Variants in FMN2 observed in about 807,000 individuals in gnomAD.
The protein encoded by FMN2 is formin-2.
In FMN2, 51 loss-of-function variants were observed where a neutral mutation model predicts 142.3. The observed-to-expected ratio is 0.36, with a 90% CI of 0.29 to 0.45. FMN2 has a LOEUF of 0.45. Among genes scored for constraint, FMN2 ranks in the 20% least tolerant of loss-of-function variants. FMN2 has a pLI of 1.00. For synonymous variants in FMN2, 882 were observed against 869.8 expected (o/e 1.01, Z -0.25); for missense variants, 1,936 against 2,122.8 (o/e 0.91, Z 1.73).
chr1:240,440,615 C>T (rs1003568619), intron 16 of FMN2, among the ~76,000 whole-genome samples: 4 of 152,148 alleles, frequency 2.6e-5, no homozygotes, highest in Non-Finnish European at 5.9e-5. Context: ...TTTACAAGTG[C>T]TCTTGACTTC....
rs531105094 is a variant in FMN2, at chr1:240,364,396, T to C, written c.4858+8488T>C. On this transcript the variant is annotated intron_variant, in intron 14 of 17. Transcript: ENST00000319653. ...TAACTGGACTGCAAAATGAATACGC[T>C]TTTGTATTAGTGCAACATTCATGCG... 2.6e-5 allele frequency among the ~76,000 whole-genome samples: 4 copies of C among 152,196 alleles called. No homozygotes were observed. The East Asian group carries it at 7.7e-4, about 29-fold the overall frequency.
intron 1 of FMN2, among the ~76,000 whole-genome samples, chr1:240,116,435 C>T (rs781269152): frequency 2.6e-5 from 4 of 152,018 alleles, no homozygotes; most frequent in Non-Finnish European, 4.4e-5. Context: ...CCGACATTGC[C>T]GTGTTGGGTA....
intron 14 of FMN2, among the ~76,000 whole-genome samples, chr1:240,365,019 C>T (rs1672615412): frequency 6.6e-6 from 1 of 152,176 alleles, no homozygotes; most frequent in Admixed American, 6.5e-5. Context: ...TTATAAAATA[C>T]AGGACCATAA....
At chr1:240,368,955 T>TTATATATATATATATA (rs10671772) in intron 14 of FMN2, among the ~76,000 whole-genome samples, 23 of 148,080 alleles carry the variant, frequency 1.6e-4, no homozygotes, top group African/African-American at 5.8e-4. Context: ...AACACAATGT[T>TTATATATATATATATA]TATATATATA....
chr1:240,279,469 C>T (rs1288072586), intron 7 of FMN2, among the ~76,000 whole-genome samples: 5 of 152,050 alleles, frequency 3.3e-5, no homozygotes, highest in Non-Finnish European at 7.4e-5. Context: ...GCAGGTGGTA[C>T]TTACTGAACT....
intron 2 of FMN2, chr1:240,170,256 C>A: frequency 8.2e-7 from 1 of 1,217,492 alleles, no homozygotes; most frequent in East Asian, 2.4e-5. Flanking sequence ...AGGTGGCACC[C>A]CTAAAGGCTC....
chr1:240,271,493 C>A (rs1009602733), intron 7 of FMN2, among the ~76,000 whole-genome samples: 1 of 150,228 alleles, frequency 6.7e-6, no homozygotes, highest in African/African-American at 2.5e-5. Context: ...TTTTTTTAAA[C>A]CTTTTTTTTT....
chr1:240,355,714 G>A (rs902978160), intron 13 of FMN2, 102 bp from the exon 14 acceptor site: 4 of 703,400 alleles, frequency 5.7e-6, no homozygotes, highest in Non-Finnish European at 9.9e-6. Context: ...GCTGATTAGG[G>A]GAGTTAACAG....
At chr1:240,205,799 G>A (rs1176636386) in intron 4 of FMN2, among the ~76,000 whole-genome samples, 1 of 149,762 alleles carries the variant, frequency 6.7e-6, no homozygotes, top group East Asian at 2.0e-4. Context: ...TTTTTTTCTT[G>A]AAGGGTTCCT....
chr1:240,443,788 C>T (rs1313200901), intron 16 of FMN2, among the ~76,000 whole-genome samples: 3 of 151,946 alleles, frequency 2.0e-5, no homozygotes, highest in Non-Finnish European at 2.9e-5. Context: ...TGTCTGTATT[C>T]ACCAGAAGAT....
intron 16 of FMN2, among the ~76,000 whole-genome samples, chr1:240,443,763 A>AT (rs950149414): frequency 1.4e-5 from 2 of 146,204 alleles, no homozygotes; most frequent in African/African-American, 2.5e-5. Flanking sequence ...AAAAAAAAAA[A>AT]TTTTTTTTTC....
chr1:240,309,571 T>C (rs571485892), intron 8 of FMN2, among the ~76,000 whole-genome samples: 3 of 152,264 alleles, frequency 2.0e-5, no homozygotes, highest in Admixed American at 2.0e-4. Flanking sequence ...CCGGGTATGC[T>C]GCTGGGGTGT....
At chr1:240,414,719 T>TATGTA (rs1259104873) in intron 15 of FMN2, among the ~76,000 whole-genome samples, 2 of 152,220 alleles carry the variant, frequency 1.3e-5, no homozygotes, top group Non-Finnish European at 2.9e-5. Context: ...TTTACAAGTA[T>TATGTA]ATGTGTTTTG....
At chr1:240,430,246 G>A (rs184501901) in intron 15 of FMN2, among the ~76,000 whole-genome samples, 100 of 152,156 alleles carry the variant, frequency 6.6e-4, no homozygotes, top group African/African-American at 2.3e-3. Flanking sequence ...ATTAATAGGC[G>A]AGGGTAGGTT....
At chr1:240,321,383 T>C (rs1476533106) in intron 8 of FMN2, among the ~76,000 whole-genome samples, 1 of 152,214 alleles carries the variant, frequency 6.6e-6, no homozygotes, top group East Asian at 1.9e-4. Context: ...TCACCTATAC[T>C]TAAATACTTT....
At chr1:240,217,502 G>A (rs1666949651) in intron 6 of FMN2, among the ~76,000 whole-genome samples, 1 of 151,952 alleles carries the variant, frequency 6.6e-6, no homozygotes, top group Non-Finnish European at 1.5e-5. Flanking sequence ...ATAAACATTT[G>A]GTACTTTGTA....
intron 13 of FMN2, among the ~76,000 whole-genome samples, chr1:240,335,261 T>C (rs2103021278): frequency 6.6e-6 from 1 of 152,304 alleles, no homozygotes; most frequent in African/African-American, 2.4e-5. Context: ...AGGGCTGAAA[T>C]TCTGTCATTA....
chr1:240,323,025 T>A (rs1440748652), intron 8 of FMN2, among the ~76,000 whole-genome samples: 1 of 152,116 alleles, frequency 6.6e-6, no homozygotes, highest in Non-Finnish European at 1.5e-5. Flanking sequence ...CCGTGGCTGG[T>A]TCATCATTGT....
In FMN2 at chr1:240,255,195, C is replaced by T. The variant is rs990286310; in HGVS notation, c.4066-2750C>T. ...TGGCTGAGCAGACTGCCCCACTTCC[C>T]TCTTCTTCTTTGCCTCCCATGTTAC... On this transcript the variant is annotated intron_variant, in intron 6 of 17. Transcript: ENST00000319653. Among the ~76,000 whole-genome samples the T allele has an allele frequency of 3.3e-5, 5 of 152,302 alleles. No homozygotes were observed. In the East Asian group the frequency reaches 9.7e-4, roughly 30 times the overall value.
Sources: allele counts gnomAD v4.1 joint callset (sites outside exome capture counted in the v4.1 genomes callset), GRCh38; gene constraint gnomAD v4.1.1; transcripts MANE v1.5; gene names NCBI Gene and HGNC (gene_info 2026-07-23, HGNC 2026-07-21).